The following RMDN1 variants were observed in gnomAD, a reference collection of about 807,000 sequenced individuals.
RMDN1 encodes the protein regulator of microtubule dynamics protein 1.
RMDN1 carries 48 observed loss-of-function variants against 48.9 expected under a neutral mutation model. The observed-to-expected ratio is 0.98, with a 90% confidence interval of 0.78 to 1.25. The LOEUF is 1.25. RMDN1 is among the 50% of genes most tolerant of loss of function. The pLI is 0.00. For missense variants in RMDN1, 418 were observed against 373.4 expected, an observed-to-expected ratio of 1.12 and a Z score of -0.98; for synonymous variants, 148 against 132.6, an observed-to-expected ratio of 1.12 and a Z score of -0.80.
chr8:86,481,874 G>C (rs2130720752), intron 5 of RMDN1: 1 of 751,320 alleles, frequency 1.3e-6, no homozygotes, highest in East Asian at 2.9e-5. Flanking sequence ...AAAACATCAA[G>C]GTAGATCTAA....
rs962363196 is a variant in RMDN1, at chr8:86,504,617, G to A, written c.247+2378C>T. The A allele has an allele frequency of 8.6e-6, 8 of 929,452 alleles. No individual in the cohort carries two copies. In the East Asian group the frequency reaches 1.7e-4, roughly 19 times the overall value. 57.6% of individuals were successfully genotyped at this position (929,452 alleles called of 1,614,324 possible). ...ATAGGCCTTGGAGGGATGGCTTTTTGTTCCATGCTCATGACTGTTTGTTAT... is the reference window on the plus strand; with the variant it reads ...ATAGGCCTTGGAGGGATGGCTTTTTATTCCATGCTCATGACTGTTTGTTAT... On this transcript the variant is annotated intron_variant, in intron 2 of 9. Transcript: ENST00000406452.
chr8:86,503,800 G>T, intron 2 of RMDN1: 1 of 520,780 alleles, frequency 1.9e-6, no homozygotes, highest in South Asian at 1.7e-5. Flanking sequence ...TTGTTGGTAT[G>T]ACTGGCTCCT....
intron 2 of RMDN1, among the ~76,000 whole-genome samples, chr8:86,499,968 GA>G (rs1440897164): frequency 1.3e-5 from 2 of 152,122 alleles, no homozygotes; most frequent in African/African-American, 4.8e-5. Context: ...ATGGTGCTGG[GA>G]TAACTGCCTA....
intron 2 of RMDN1, among the ~76,000 whole-genome samples, chr8:86,500,551 T>C (rs1300700003): frequency 6.7e-6 from 1 of 148,670 alleles, no homozygotes; most frequent in Non-Finnish European, 1.5e-5. Flanking sequence ...AAGATGCTGG[T>C]GAGGTTGTGG....
intron 5 of RMDN1, chr8:86,483,123 A>G: frequency 2.7e-6 from 1 of 368,292 alleles, no homozygotes; most frequent in Non-Finnish European, 4.9e-6. Flanking sequence ...AAAATAATCC[A>G]AAGATGTTAC....
At chr8:86,497,734 GAAAC>G (rs1260266618) in intron 2 of RMDN1, among the ~76,000 whole-genome samples, 1 of 148,308 alleles carries the variant, frequency 6.7e-6, no homozygotes, top group Admixed American at 6.7e-5. Context: ...GAAAAAAAAA[GAAAC>G]AGAGAAGATC....
intron 2 of RMDN1, among the ~76,000 whole-genome samples, chr8:86,492,749 G>C (rs908636915): frequency 2.0e-5 from 3 of 151,400 alleles, no homozygotes; most frequent in Non-Finnish European, 4.4e-5. Flanking sequence ...GTGGGTATCT[G>C]GTACCACCTG....
chr8:86,491,104 T>C (rs577571368), intron 2 of RMDN1, among the ~76,000 whole-genome samples: 1 of 151,804 alleles, frequency 6.6e-6, no homozygotes, highest in African/African-American at 2.4e-5. Flanking sequence ...TAAGCTATAA[T>C]ATAATGGCTT....
upstream of RMDN1, among the ~76,000 whole-genome samples, chr8:86,510,003 C>G (rs762579436): frequency 6.6e-6 from 1 of 152,100 alleles, no homozygotes; most frequent in Non-Finnish European, 1.5e-5. Flanking sequence ...TTTCTGATAT[C>G]TCTGCTAGAG....
At chr8:86,476,667 C>G (rs781584915) in intron 8 of RMDN1, among the ~76,000 whole-genome samples, 15 of 152,110 alleles carry the variant, frequency 9.9e-5, no homozygotes, top group Non-Finnish European at 1.6e-4. Flanking sequence ...TAGCAGAATT[C>G]CCATTTAAAT....
At chr8:86,499,449 A>C (rs1817868120) in intron 2 of RMDN1, among the ~76,000 whole-genome samples, 2 of 152,188 alleles carry the variant, frequency 1.3e-5, no homozygotes, top group African/African-American at 4.8e-5. Context: ...CCAAATAAAA[A>C]ACGCAACCCC....
upstream of RMDN1, among the ~76,000 whole-genome samples, chr8:86,512,976 A>T (rs565925419): frequency 1.0e-3 from 152 of 152,160 alleles, no homozygotes; most frequent in Non-Finnish European, 1.4e-3. Flanking sequence ...TTTACTTAAG[A>T]ATGTCTGTGT....
chr8:86,474,202 C>T lies in RMDN1; in HGVS notation c.*106G>A. On this transcript the variant is annotated 3_prime_UTR_variant, in exon 10 of 10. Transcript: ENST00000406452. ...TTATATTTACACGGTTAAATGGTCA[C>T]AACATTTAAAAAGCCGTAGAACAGT... is the stretch of plus-strand genomic sequence containing the variant. The T allele has an allele frequency of 6.6e-7, 1 of 1,521,424 alleles. No individual in the cohort carries two copies. 94.2% of individuals were successfully genotyped at this position (1,521,424 alleles called of 1,614,324 possible). A position where few individuals can be genotyped will look rare whatever the true frequency, so the allele number is the denominator to read the frequency against.
intron 2 of RMDN1, 127 bp from the exon 3 acceptor site, chr8:86,488,766 A>G (rs891429906): frequency 1.0e-5 from 5 of 501,672 alleles, no homozygotes; most frequent in Non-Finnish European, 1.7e-5. Context: ...AATGACCTAC[A>G]ATGAAACAGC....
chr8:86,497,724 GA>G (rs984933370), intron 2 of RMDN1, among the ~76,000 whole-genome samples: 3 of 145,342 alleles, frequency 2.1e-5, no homozygotes, highest in East Asian at 2.0e-4. Context: ...AAGAAAGAAA[GA>G]AAAAAAAAGA....
chr8:86,483,448 A>T (rs1814911557), intron 5 of RMDN1, among the ~76,000 whole-genome samples: 1 of 152,218 alleles, frequency 6.6e-6, no homozygotes, highest in Non-Finnish European at 1.5e-5. Flanking sequence ...CTAAAATATC[A>T]AAAATGACAC....
chr8:86,505,143 C>G (rs963451336), intron 2 of RMDN1: 144 of 1,248,422 alleles, frequency 1.2e-4, no homozygotes, highest in Non-Finnish European at 1.4e-4. Context: ...TCAGGATGAA[C>G]CCAGGACTGC....
At position 86,473,898 on chromosome 8, in the gene RMDN1, C is replaced by T; in HGVS notation, c.*410G>A. 6.0e-6 allele frequency: 6 copies of T among 1,000,126 alleles called. No individual in the cohort carries two copies. Among genetic ancestry groups the T allele is most frequent in the Non-Finnish European group, 7.1e-6 (6 of 839,762 alleles). 62.0% of individuals were successfully genotyped at this position (1,000,126 alleles called of 1,614,324 possible). ...ACCCACAACATCCTAACCACTGTCACCACACCTTCTCTTCAAGATTTCAAC... is the reference window on the plus strand; with the variant it reads ...ACCCACAACATCCTAACCACTGTCATCACACCTTCTCTTCAAGATTTCAAC... On this transcript the variant is annotated 3_prime_UTR_variant, in exon 10 of 10. Transcript: ENST00000406452.
At chr8:86,479,189 G>A (rs1351720904) in intron 6 of RMDN1, among the ~76,000 whole-genome samples, 179 bp from the exon 7 acceptor site, 1 of 152,062 alleles carries the variant, frequency 6.6e-6, no homozygotes, top group African/African-American at 2.4e-5. Context: ...GCTGGGGGGT[G>A]TATTTTGTGA....
Sources: gnomAD v4.1 joint callset for allele counts (sites outside exome capture counted in the v4.1 genomes callset) on GRCh38, gnomAD v4.1.1 for gene constraint, MANE v1.5 for transcripts, NCBI Gene and HGNC (gene_info 2026-07-23, HGNC 2026-07-21) for gene names.